RHOBTB2: variants seen among roughly 807,000 people sequenced by gnomAD.
The protein encoded by RHOBTB2 is rho-related BTB domain-containing protein 2.
A neutral mutation model predicts 66.5 loss-of-function variants in RHOBTB2; 39 were observed. The ratio of observed to expected loss-of-function variants is 0.59; its 90% CI spans 0.45 to 0.77. The LOEUF is 0.77. RHOBTB2 is among the 30% of genes least tolerant of loss of function. RHOBTB2 has a pLI of 0.00. For synonymous variants in RHOBTB2, 390 were observed against 395.0 expected (o/e 0.99, Z 0.15); for missense variants, 755 against 999.1 (o/e 0.76, Z 3.29).
chr8:23,010,637 CTCA>C lies in RHOBTB2; in HGVS notation c.1725_1727del (p.Ile576del). 6.2e-7 allele frequency: 1 copy of C among 1,614,198 alleles called. No individual in the cohort carries two copies. Among genetic ancestry groups the C allele is most frequent in the South Asian group, 1.1e-5 (1 of 91,088 alleles). On this transcript the variant is annotated inframe_deletion, in exon 7 of 10. Coordinates refer to ENST00000251822, the MANE Select transcript of RHOBTB2 (RefSeq NM_015178.3). Reference sequence around the variant, plus strand: ...CAGCCCCGACCTGGATGACATGAAGCTCATCATTCTAGCCAACCGCCTCTGCCT... The same window carrying C: ...CAGCCCCGACCTGGATGACATGAAGCTCATTCTAGCCAACCGCCTCTGCCT...
chr8:23,009,135 AAC>A (rs1166382472), intron 6 of RHOBTB2, among the ~76,000 whole-genome samples: 3 of 145,920 alleles, frequency 2.1e-5, no homozygotes, highest in Non-Finnish European at 4.5e-5. Flanking sequence ...CTGCCTGGGA[AAC>A]ACAGACACCA....
chr8:22,994,069 A>G (rs553580940), intron 2 of RHOBTB2, among the ~76,000 whole-genome samples: 23 of 152,312 alleles, frequency 1.5e-4, no homozygotes, highest in South Asian at 6.2e-4. Flanking sequence ...TGTTTCAATG[A>G]AAAGAATGAC....
chr8:22,993,664 G>A (rs757191780), intron 2 of RHOBTB2, among the ~76,000 whole-genome samples: 7 of 152,340 alleles, frequency 4.6e-5, no homozygotes, highest in Middle Eastern at 3.4e-3. Context: ...GCTCCTCTGC[G>A]TTGGTTTCTT....
intron 8 of RHOBTB2, 40 bp downstream of exon 8, chr8:23,014,818 C>A: frequency 6.6e-7 from 1 of 1,518,648 alleles, no homozygotes; most frequent in Non-Finnish European, 9.1e-7. Context: ...AGTCTCAGTT[C>A]TACACTCTGC....
Position 23,004,958 on chromosome 8 carries a change from G to A in RHOBTB2, c.192+332G>A, listed in dbSNP as rs757115256. The A allele has an allele frequency of 1.4e-5, 6 of 428,838 alleles. No homozygotes were observed. The highest frequency in any genetic ancestry group is 2.1e-5 in the Non-Finnish European group (5 of 232,678). The allele number at this position is 428,838 out of a possible 1,614,324, so 26.6% of individuals were successfully genotyped here. A position where few individuals can be genotyped will look rare whatever the true frequency, so the allele number is the denominator to read the frequency against. ...GCTTGGAAGAGATACAAGCTGAGAG[G>A]AGCAAAGAAGCTGGCAGCTGATAGC... On this transcript the variant is annotated intron_variant, in intron 2 of 9. Coordinates refer to ENST00000251822, the MANE Select transcript of RHOBTB2 (RefSeq NM_015178.3). This position sits in a 1 kb window ranked among gnomAD's most constrained non-coding sequence, Gnocchi z 6.4.
the RHOBTB2 span, among the ~76,000 whole-genome samples, chr8:22,967,791 T>C: frequency 5.9e-5 from 9 of 151,680 alleles, no homozygotes; most frequent in Non-Finnish European, 1.2e-4. Context: ...GTTCTGGAGA[T>C]GGATGGTGGG....
intron 1 of RHOBTB2, 91 bp downstream of exon 1, chr8:23,000,196 G>C: frequency 1.1e-6 from 1 of 899,698 alleles, no homozygotes; most frequent in Non-Finnish European, 1.3e-6. Flanking sequence ...CGCGCCCCTC[G>C]CTACGTTCCC....
intron 1 of RHOBTB2, among the ~76,000 whole-genome samples, chr8:23,000,883 G>C (rs1313381648): frequency 1.3e-5 from 2 of 152,076 alleles, no homozygotes; most frequent in Non-Finnish European, 2.9e-5. Context: ...CAGGCTCCCA[G>C]GGAGATTCTG....
At chr8:22,951,347 G>A in the RHOBTB2 span, among the ~76,000 whole-genome samples, 1 of 146,568 alleles carries the variant, frequency 6.8e-6, no homozygotes, top group Non-Finnish European at 1.5e-5. Flanking sequence ...CTTCTCCCGG[G>A]TTCAAGCGAT....
intron 1 of RHOBTB2, among the ~76,000 whole-genome samples, chr8:23,001,813 G>A (rs903085623): frequency 6.6e-6 from 1 of 152,186 alleles, no homozygotes; most frequent in Non-Finnish European, 1.5e-5. Flanking sequence ...CAAACAGAGA[G>A]GCAGCTGAAG....
At chr8:22,959,798 T>C in the RHOBTB2 span, among the ~76,000 whole-genome samples, 2 of 152,042 alleles carry the variant, frequency 1.3e-5, no homozygotes, top group Non-Finnish European at 2.9e-5. Context: ...AAAGGTTTAT[T>C]GGATGCCAGA....
At chr8:23,012,006 A>G (rs1811163056) in intron 7 of RHOBTB2, among the ~76,000 whole-genome samples, 1 of 152,232 alleles carries the variant, frequency 6.6e-6, no homozygotes. Context: ...CGGAGGCTGC[A>G]GTGGGAGTCC....
chr8:22,988,400 G>A (rs1346201894), intron 1 of RHOBTB2, among the ~76,000 whole-genome samples: 2 of 151,866 alleles, frequency 1.3e-5, no homozygotes, highest in Non-Finnish European at 2.9e-5. Context: ...GACCTCAAGT[G>A]ACCCGCCCAC....
At chr8:23,013,185 C>T (rs1435519102) in intron 7 of RHOBTB2, among the ~76,000 whole-genome samples, 4 of 151,896 alleles carry the variant, frequency 2.6e-5, no homozygotes, top group African/African-American at 7.3e-5. Flanking sequence ...CCTCCCATCT[C>T]GGCTTCCCAA....
upstream of RHOBTB2, among the ~76,000 whole-genome samples, chr8:22,983,286 G>A (rs1810239371): frequency 6.6e-6 from 1 of 151,276 alleles, no homozygotes; most frequent in Non-Finnish European, 1.5e-5. Flanking sequence ...CTGCACTGAT[G>A]TGTGACACTT....
the RHOBTB2 span, among the ~76,000 whole-genome samples, chr8:22,960,753 A>T: frequency 6.6e-6 from 1 of 152,346 alleles, no homozygotes; most frequent in Admixed American, 6.5e-5. Context: ...AGTGTCAGCA[A>T]GTTACACATG....
At chr8:22,971,405 G>A in the RHOBTB2 span, among the ~76,000 whole-genome samples, 3 of 151,110 alleles carry the variant, frequency 2.0e-5, no homozygotes, top group African/African-American at 7.3e-5. Context: ...GGCTGGTCTC[G>A]AACTCCTGGG....
rs898422894 is a variant in RHOBTB2 at position 23,004,666 on chromosome 8, G to A, written c.192+40G>A. 2.5e-6 allele frequency: 4 copies of A among 1,573,546 alleles called. No homozygotes were observed. In the African/African-American group the frequency reaches 5.4e-5, roughly 21 times the overall value. ...CTACCTGGCTGGGGGTCCACGCCAT[G>A]AGTCTGGGCTTGGGGGCTTCCTGAG... On this transcript the variant is annotated intron_variant, in intron 2 of 9. Coordinates refer to ENST00000251822, the MANE Select transcript of RHOBTB2 (RefSeq NM_015178.3). This position sits in a 1 kb window ranked among gnomAD's most constrained non-coding sequence, Gnocchi z 6.4.
chr8:22,997,230 G>A (rs1243108760), upstream of RHOBTB2, among the ~76,000 whole-genome samples: 1 of 142,920 alleles, frequency 7.0e-6, no homozygotes, highest in East Asian at 2.1e-4. Context: ...GGGGGGCACT[G>A]GTAGGAGAAG....
Sources: gnomAD v4.1 joint callset for allele counts (sites outside exome capture counted in the v4.1 genomes callset) on GRCh38, gnomAD v4.1.1 for gene constraint, Gnocchi (gnomAD v3.1) non-coding constraint, MANE v1.5 for transcripts, NCBI Gene and HGNC (gene_info 2026-07-23, HGNC 2026-07-21) for gene names.